Variants in NSUN7 observed in about 807,000 individuals in gnomAD.
NSUN7 encodes protein NSUN7.
NSUN7 carries 39 observed loss-of-function variants against 58.5 expected under a neutral mutation model. The observed-to-expected ratio is 0.67, with a 90% confidence interval of 0.52 to 0.87. The LOEUF (loss-of-function observed/expected upper bound fraction) is 0.87. NSUN7 is among the 40% of genes least tolerant of loss of function. The pLI, the probability that NSUN7 is intolerant of heterozygous loss-of-function variation, is 0.00. For missense variants in NSUN7, 765 were observed against 844.1 expected (o/e 0.91, Z 1.16); for synonymous variants, 278 against 303.7 (o/e 0.92, Z 0.88).
intron 8 of NSUN7, among the ~76,000 whole-genome samples, chr4:40,794,069 C>T (rs538614114): frequency 9.9e-5 from 15 of 152,224 alleles, no homozygotes; most frequent in Admixed American, 6.5e-5. Context: ...AGACTGACGG[C>T]ATTTTCTCTT....
chr4:40,785,859 G>T (rs1742792319), intron 7 of NSUN7, among the ~76,000 whole-genome samples: 1 of 152,258 alleles, frequency 6.6e-6, no homozygotes, highest in Non-Finnish European at 1.5e-5. Flanking sequence ...TTACATGCAT[G>T]ATAAGAAGTT....
chr4:40,777,769 T>C (rs1222009718), intron 7 of NSUN7, among the ~76,000 whole-genome samples: 3 of 152,334 alleles, frequency 2.0e-5, no homozygotes, highest in African/African-American at 7.2e-5. Context: ...ACGTGGACTT[T>C]AGTTTTACTT....
chr4:40,761,127 A>T, intron 3 of NSUN7, 44 bp from the exon 4 acceptor site: 1 of 1,452,248 alleles, frequency 6.9e-7, no homozygotes, highest in Non-Finnish European at 9.4e-7. Context: ...TGCTGGTTAG[A>T]TATTGTTTGT....
intron 2 of NSUN7, among the ~76,000 whole-genome samples, chr4:40,758,312 GA>G (rs1159460469): frequency 2.0e-5 from 3 of 151,726 alleles, no homozygotes; most frequent in South Asian, 2.1e-4. Flanking sequence ...TACTTGTTGT[GA>G]AAAAAAAGTA....
chr4:40,803,115 CTCA>C (rs1435281764), intron 10 of NSUN7, among the ~76,000 whole-genome samples: 6 of 151,892 alleles, frequency 4.0e-5, no homozygotes, highest in Admixed American at 6.5e-5. Flanking sequence ...AGGACATGAA[CTCA>C]TCATTTTTTA....
chr4:40,769,157 C>T (rs562924811), intron 4 of NSUN7, among the ~76,000 whole-genome samples: 2 of 152,306 alleles, frequency 1.3e-5, no homozygotes, highest in African/African-American at 4.8e-5. Context: ...TACTACCATC[C>T]AAATCTATGC....
At chr4:40,808,275 C>T (rs750837896) in intron 11 of NSUN7, 32 bp from the exon 12 acceptor site, 9 of 1,567,212 alleles carry the variant, frequency 5.7e-6, no homozygotes, top group Non-Finnish European at 6.0e-6. Flanking sequence ...ATAGCTAACT[C>T]CCACATTTAG....
rs397833456 is a variant in NSUN7 at position 40,799,081 on chromosome 4, T to G, written c.1400+177T>G. Among the ~76,000 whole-genome samples, 1,128 of 136,486 alleles carry G rather than the reference T, an allele frequency of 8.3e-3. 137 individuals are homozygous for G. The highest frequency in any genetic ancestry group is 0.03 in the African/African-American group (1,057 of 35,028). The allele number at this position is 136,486 out of a possible 152,430, so 89.5% of individuals were successfully genotyped here. A position where few individuals can be genotyped will look rare whatever the true frequency, so the allele number is the denominator to read the frequency against. ...TTCCATAGGGCCTTTTTCTTTTTTT[T>G]TTTTTTTTTTTTTTTTTTTTTAAAG... On this transcript the variant is annotated intron_variant, in intron 10 of 11. Coordinates refer to ENST00000381782, the MANE Select transcript of NSUN7 (RefSeq NM_024677.6).
chr4:40,754,530 T>C (rs1408761009), intron 2 of NSUN7, among the ~76,000 whole-genome samples: 1 of 152,236 alleles, frequency 6.6e-6, no homozygotes, highest in Non-Finnish European at 1.5e-5. Flanking sequence ...CTGTCAATAC[T>C]TTCACATGTG....
intron 2 of NSUN7, among the ~76,000 whole-genome samples, chr4:40,757,271 G>A (rs1741188741): frequency 6.6e-6 from 1 of 151,920 alleles, no homozygotes; most frequent in African/African-American, 2.4e-5. Context: ...AGTTACAGGA[G>A]ATGGTCAGCA....
intron 4 of NSUN7, among the ~76,000 whole-genome samples, chr4:40,766,716 G>C (rs1322719829): frequency 1.3e-5 from 2 of 151,984 alleles, no homozygotes; most frequent in African/African-American, 4.8e-5. Flanking sequence ...TGGTCCTGGA[G>C]TTTTTTTGGT....
chr4:40,758,639 A>G (rs1192107921), intron 2 of NSUN7, among the ~76,000 whole-genome samples: 1 of 152,160 alleles, frequency 6.6e-6, no homozygotes, highest in African/African-American at 2.4e-5. Context: ...AACTTAGCCA[A>G]CGTGGCAAAA....
chr4:40,784,630 A>G (rs911022548), intron 7 of NSUN7, among the ~76,000 whole-genome samples: 2 of 152,220 alleles, frequency 1.3e-5, no homozygotes, highest in Non-Finnish European at 2.9e-5. Flanking sequence ...CTTTCCTGAG[A>G]TGGGCTGGGA....
chr4:40,806,244 C>T (rs1050134796), intron 10 of NSUN7, among the ~76,000 whole-genome samples: 4 of 152,214 alleles, frequency 2.6e-5, no homozygotes, highest in Admixed American at 2.0e-4. Context: ...ATTTGCCTGC[C>T]TCGGCCTCCC....
At chr4:40,776,412 G>A (rs922716236) in intron 7 of NSUN7, 153 bp downstream of exon 7, 15 of 518,668 alleles carry the variant, frequency 2.9e-5, no homozygotes, top group Non-Finnish European at 5.0e-5. Flanking sequence ...TTATCAGGCT[G>A]TCCTTGTTGC....
At chr4:40,751,108 T>C (rs1196750114) in intron 2 of NSUN7, 117 bp downstream of exon 2, 10 of 1,107,644 alleles carry the variant, frequency 9.0e-6, no homozygotes, top group Non-Finnish European at 1.3e-5. Flanking sequence ...GTTTTAGGCA[T>C]GTGCATATCT....
intron 8 of NSUN7, among the ~76,000 whole-genome samples, chr4:40,791,987 C>G (rs1363302762): frequency 2.0e-5 from 3 of 152,202 alleles, no homozygotes; most frequent in African/African-American, 4.8e-5. Flanking sequence ...TTTCCTTCCA[C>G]TAAACGACAC....
chr4:40,782,310 G>A (rs1220282065), intron 7 of NSUN7, among the ~76,000 whole-genome samples: 2 of 152,162 alleles, frequency 1.3e-5, no homozygotes, highest in East Asian at 3.9e-4. Context: ...GCTGGATGCT[G>A]TGGCTTATGT....
At chr4:40,761,721 AT>A (rs919530462) in intron 4 of NSUN7, among the ~76,000 whole-genome samples, 4 of 152,208 alleles carry the variant, frequency 2.6e-5, no homozygotes, top group African/African-American at 9.6e-5. Flanking sequence ...AGAAAAAAAA[AT>A]TCTACTTAAG....
Sources: allele counts gnomAD v4.1 joint callset (sites outside exome capture counted in the v4.1 genomes callset), GRCh38; gene constraint gnomAD v4.1.1; transcripts MANE v1.5; gene names NCBI Gene and HGNC (gene_info 2026-07-23, HGNC 2026-07-21).